The following DTX2 variants were observed in gnomAD, a reference collection of about 807,000 sequenced individuals.
The protein encoded by DTX2 is probable E3 ubiquitin-protein ligase DTX2.
Under a neutral mutation model 55.3 loss-of-function variants are expected in DTX2, and 29 were observed. That is an observed-to-expected ratio of 0.52 (90% confidence interval 0.39 to 0.71). The LOEUF is 0.71. DTX2 is among the 30% of genes least tolerant of loss of function. The pLI is 0.00. For synonymous variants in DTX2, 276 were observed against 340.4 expected (o/e 0.81, Z 2.08); for missense variants, 537 against 822.5 (o/e 0.65, Z 4.25).
At chr7:76,469,964 G>T (rs1807698864) in intron 2 of DTX2, among the ~76,000 whole-genome samples, 2 of 142,790 alleles carry the variant, frequency 1.4e-5, no homozygotes, top group Admixed American at 1.4e-4. Context: ...AGGTGGAGGG[G>T]CTTAGCACGG....
At chr7:76,490,432 G>T in intron 4 of DTX2, among the ~76,000 whole-genome samples, 1 of 84,252 alleles carries the variant, frequency 1.2e-5, no homozygotes, top group Non-Finnish European at 2.4e-5. Flanking sequence ...TCCTCTTTCT[G>T]TCCCAGGATC....
In DTX2 at chr7:76,505,590, G is replaced by C; in HGVS notation, c.1858G>C (p.Glu620Gln). Residue 620 changes from glutamate (E) to glutamine (Q), a missense_variant, in exon 11 of 11, where the codon GAG becomes CAG. Around this residue, in one of 7 missense-constraint regions of DTX2, gnomAD observed 59 missense variants for 54.1 expected, o/e 1.09. Transcript: ENST00000430490. The surrounding 1 kb of genome is among the most constrained non-coding windows in gnomAD (Gnocchi z 4.4). ...AAQGVTEDCL[E>Q]QQ ...CCAGGGGGTGACCGAGGACTGCCTGGAGCAGCAGTGACCTCGCACCCCAGC... is the reference window on the plus strand; with the variant it reads ...CCAGGGGGTGACCGAGGACTGCCTGCAGCAGCAGTGACCTCGCACCCCAGC... 1 of 1,554,206 alleles carries C rather than the reference G, an allele frequency of 6.4e-7. No homozygotes were observed. The highest frequency in any genetic ancestry group is 2.4e-5 in the East Asian group (1 of 41,886).
At chr7:76,501,155 G>A in intron 7 of DTX2, 1 of 400,952 alleles carries the variant, frequency 2.5e-6, no homozygotes, top group South Asian at 1.8e-5. Context: ...TGGGGGAGGG[G>A]GTGGGTGAAC....
intron 3 of DTX2, among the ~76,000 whole-genome samples, chr7:76,481,368 G>C (rs1479312539): frequency 6.6e-6 from 1 of 152,074 alleles, no homozygotes; most frequent in Non-Finnish European, 1.5e-5. Context: ...TGTATTTTTA[G>C]TAGAGACGGG....
Position 76,461,729 on chromosome 7 carries a change from TCTC to T in DTX2, c.-359_-357del, listed in dbSNP as rs1381831392. On this transcript the variant is annotated 5_prime_UTR_variant, in exon 1 of 11. Transcript: ENST00000430490. ...ACGCCGAGTTTCACTCTGGCTGCCTTCTCCTGAGAGTCGGAGCCACAGCCAGAG... is the reference window on the plus strand; with the variant it reads ...ACGCCGAGTTTCACTCTGGCTGCCTTCTGAGAGTCGGAGCCACAGCCAGAG... 2 of 126,542 alleles carry T rather than the reference TCTC, an allele frequency of 1.6e-5. No homozygotes were observed. The highest frequency in any genetic ancestry group is 3.3e-5 in the Non-Finnish European group (2 of 59,772). 7.8% of individuals were successfully genotyped at this position (126,542 alleles called of 1,614,324 possible).
Position 76,505,941 on chromosome 7 carries a change from G to A in DTX2, c.*340G>A, listed in dbSNP as rs1378903497. The A allele has an allele frequency of 2.8e-5, 13 of 468,728 alleles. No homozygotes were observed. The highest frequency in any genetic ancestry group is 4.3e-5 in the Non-Finnish European group (11 of 258,156). 29.0% of individuals were successfully genotyped at this position (468,728 alleles called of 1,614,324 possible). On this transcript the variant is annotated 3_prime_UTR_variant, in exon 11 of 11. Coordinates refer to ENST00000430490, the MANE Select transcript of DTX2 (RefSeq NM_001102594.3). This position sits in a 1 kb window ranked among gnomAD's most constrained non-coding sequence, Gnocchi z 4.4. Reference sequence around the variant, plus strand: ...CAGCCTGGACGGGCGTGGGTTCTGGGTCAGCTTCTTTTACCTCAATTTTGT... The same window carrying A: ...CAGCCTGGACGGGCGTGGGTTCTGGATCAGCTTCTTTTACCTCAATTTTGT...
At chr7:76,476,687 G>A (rs552652846) in intron 2 of DTX2, among the ~76,000 whole-genome samples, 37 of 151,586 alleles carry the variant, frequency 2.4e-4, no homozygotes, top group Middle Eastern at 6.8e-3. Context: ...GGCTGGTATA[G>A]AGGGAGGATC....
Position 76,483,065 on chromosome 7 carries a change from A to G in DTX2, c.826A>G (p.Ser276Gly). The G allele has an allele frequency of 6.2e-7, 1 of 1,613,120 alleles. No homozygotes were observed. ...AWGAAPPSLG[S>G]QPLYRSSLSH... ...GGGCGCAGCTCCTCCTTCCCTGGGGAGCCAGCCCCTCTACCGCTCCAGCCT... is the reference window on the plus strand; with the variant it reads ...GGGCGCAGCTCCTCCTTCCCTGGGGGGCCAGCCCCTCTACCGCTCCAGCCT... Residue 276 changes from serine (S) to glycine (G), a missense_variant, in exon 4 of 11, where the codon AGC becomes GGC. This residue lies in a region of DTX2 where 301 missense variants were observed against 396.6 expected (regional missense o/e 0.76). Transcript: ENST00000430490.
chr7:76,500,912 C>G (rs1228128083), intron 7 of DTX2, among the ~76,000 whole-genome samples: 2 of 152,138 alleles, frequency 1.3e-5, no homozygotes, highest in African/African-American at 4.8e-5. Flanking sequence ...GAGAGCTGGT[C>G]AAGGTTCTTA....
intron 4 of DTX2, among the ~76,000 whole-genome samples, chr7:76,491,107 C>T (rs1810375752): frequency 6.8e-6 from 1 of 146,670 alleles, no homozygotes; most frequent in African/African-American, 2.6e-5. Flanking sequence ...AAGTGATTCT[C>T]CTGCCTCAGC....
Position 76,505,841 on chromosome 7 carries a change from G to T in DTX2, c.*240G>T. 1 of 600,820 alleles carries T rather than the reference G, an allele frequency of 1.7e-6. No homozygotes were observed. The highest frequency in any genetic ancestry group is 3.0e-6 in the Non-Finnish European group (1 of 337,250). 37.2% of individuals were successfully genotyped at this position (600,820 alleles called of 1,614,324 possible). Reference sequence around the variant, plus strand: ...AGGATGCAGCTACCTCAGTGCGCAGGGCCCGTCTGTCCTCTGGGGGCTGCT... The same window carrying T: ...AGGATGCAGCTACCTCAGTGCGCAGTGCCCGTCTGTCCTCTGGGGGCTGCT... On this transcript the variant is annotated 3_prime_UTR_variant, in exon 11 of 11. Coordinates refer to ENST00000430490, the MANE Select transcript of DTX2 (RefSeq NM_001102594.3). This position sits in a 1 kb window ranked among gnomAD's most constrained non-coding sequence, Gnocchi z 4.4.
intron 6 of DTX2, chr7:76,499,858 C>T (rs1811440419): frequency 7.8e-6 from 2 of 254,842 alleles, no homozygotes; most frequent in East Asian, 1.9e-4. Context: ...GTCTTGGCCC[C>T]TCCCCAGAGT....
chr7:76,467,845 G>T (rs1418670803), intron 2 of DTX2, among the ~76,000 whole-genome samples: 9 of 152,048 alleles, frequency 5.9e-5, no homozygotes, highest in Non-Finnish European at 1.3e-4. Flanking sequence ...CTTGAGCTAG[G>T]AATTAAGAGA....
chr7:76,471,753 C>T (rs1187087184), intron 2 of DTX2, among the ~76,000 whole-genome samples: 43 of 151,152 alleles, frequency 2.8e-4, no homozygotes, highest in African/African-American at 9.6e-4. Context: ...CCTACTTTGC[C>T]CTCTGGGTAG....
rs774467274 is a variant in DTX2, at chr7:76,503,486, C to A, written c.1450C>A (p.Pro484Thr). ...CTATGGAGAGAAGACGGGGACCCAG[C>A]CCCAGGGAAAGATGGAGGTATTACG... Reference protein sequence around the residue: ...TIYGEKTGTQPQGKMEVLRFQ... With the variant: ...TIYGEKTGTQTQGKMEVLRFQ... Residue 484 changes from proline (P) to threonine (T), a missense_variant, in exon 9 of 11, where the codon CCC (proline) becomes ACC (threonine). This residue lies in a region of DTX2 where 121 missense variants were observed against 136.8 expected (regional missense o/e 0.88). Transcript: ENST00000430490. 1.9e-6 allele frequency: 3 copies of A among 1,613,030 alleles called. No individual in the cohort carries two copies. The South Asian group carries it at 3.3e-5, about 18-fold the overall frequency.
intron 4 of DTX2, among the ~76,000 whole-genome samples, chr7:76,489,989 A>G (rs1406462558): frequency 2.6e-5 from 3 of 114,612 alleles, no homozygotes; most frequent in Non-Finnish European, 3.7e-5. Context: ...GGCTTCTGAC[A>G]TTAACAGCTT....
At chr7:76,502,561 T>C in intron 8 of DTX2, 105 bp downstream of exon 8, 1 of 1,311,092 alleles carries the variant, frequency 7.6e-7, no homozygotes, top group Non-Finnish European at 1.0e-6. Flanking sequence ...GGAATGGGCC[T>C]CTGCAAAAGA....
intron 5 of DTX2, among the ~76,000 whole-genome samples, chr7:76,495,552 G>A (rs1366694222): frequency 6.6e-6 from 1 of 151,026 alleles, no homozygotes; most frequent in African/African-American, 2.4e-5. Flanking sequence ...AGTGGGTCCT[G>A]CATTGAAAAG....
In DTX2 at chr7:76,482,747, C is replaced by G; in HGVS notation, c.508C>G (p.Arg170Gly). The G allele has an allele frequency of 6.2e-7, 1 of 1,613,198 alleles. No individual in the cohort carries two copies. The highest frequency in any genetic ancestry group is 8.5e-7 in the Non-Finnish European group (1 of 1,179,752). Residue 170 changes from arginine to glycine, a missense_variant, in exon 4 of 11, where the codon CGC (arginine) becomes GGC (glycine). Arg to Gly is a moderately radical substitution (Grantham distance 125, BLOSUM62 -2). Around this residue, in one of 7 missense-constraint regions of DTX2, gnomAD observed 301 missense variants for 396.6 expected, o/e 0.76. Coordinates refer to ENST00000430490, the MANE Select transcript of DTX2 (RefSeq NM_001102594.3). ...TQTNKTSSFC[R>G]SVRRQAGPPY... ...GACCAACAAGACTTCCAGCTTCTGC[C>G]GCAGCGTGCGGCGCCAAGCAGGGCC...
Sources: gnomAD v4.1 joint callset for allele counts (sites outside exome capture counted in the v4.1 genomes callset) on GRCh38, gnomAD v4.1.1 for gene constraint, gnomAD v4.1.1 regional missense constraint, Gnocchi (gnomAD v3.1) non-coding constraint, MANE v1.5 for transcripts, NCBI Gene and HGNC (gene_info 2026-07-23, HGNC 2026-07-21) for gene names.